The following TMEM140 variants were observed in gnomAD, a reference collection of about 807,000 sequenced individuals.
The protein encoded by TMEM140 is transmembrane protein 140.
For synonymous variants in TMEM140, 107 were observed against 106.8 expected, an observed-to-expected ratio of 1.00 and a Z score of -0.01; for missense variants, 236 against 228.5, an observed-to-expected ratio of 1.03 and a Z score of -0.21.
intron 1 of TMEM140, among the ~76,000 whole-genome samples, chr7:135,153,490 A>G (rs1186762249): frequency 2.7e-5 from 4 of 150,860 alleles, no homozygotes; most frequent in African/African-American, 9.7e-5. Context: ...TAAAAACTCT[A>G]AAAACAGCAG....
chr7:135,158,564 T>C (rs538290860), intron 1 of TMEM140, among the ~76,000 whole-genome samples: 108 of 152,254 alleles, frequency 7.1e-4, no homozygotes, highest in African/African-American at 2.6e-3. Context: ...GATTTCCCTA[T>C]CCTTCCTTAG....
At chr7:135,158,918 A>G (rs1183766355) in intron 1 of TMEM140, among the ~76,000 whole-genome samples, 1 of 152,140 alleles carries the variant, frequency 6.6e-6, no homozygotes, top group Non-Finnish European at 1.5e-5. Flanking sequence ...TGCATGTGAG[A>G]TTTTGTATTG....
chr7:135,148,521 G>A (rs1829597030), intron 1 of TMEM140, among the ~76,000 whole-genome samples: 1 of 152,170 alleles, frequency 6.6e-6, no homozygotes, highest in South Asian at 2.1e-4. Flanking sequence ...GATGATGAAA[G>A]TAAGGCCAGT....
chr7:135,151,282 T>C lies in TMEM140; in HGVS notation c.-25+3012T>C, dbSNP rs1164064164. 6.6e-6 allele frequency among the ~76,000 whole-genome samples: 1 copy of C among 152,236 alleles called. No individual in the cohort carries two copies. On this transcript the variant is annotated intron_variant, in intron 1 of 1. Transcript: ENST00000275767. The surrounding 1 kb of genome is among the most constrained non-coding windows in gnomAD (Gnocchi z 4.3). ...GAAAAACACTGCAGTAGCCCTGTTT[T>C]GAAAAGAATTAGAACCTGGACTCAT...
At position 135,166,125 on chromosome 7, in the gene TMEM140, C is replaced by A. The variant is rs1830114350; in HGVS notation, c.*1126C>A. 1 of 152,858 alleles carries A rather than the reference C, an allele frequency of 6.5e-6. No homozygotes were observed. The highest frequency in any genetic ancestry group is 1.5e-5 in the Non-Finnish European group (1 of 68,488). 9.5% of individuals were successfully genotyped at this position (152,858 alleles called of 1,614,324 possible). A position where few individuals can be genotyped will look rare whatever the true frequency, so the allele number is the denominator to read the frequency against. ...TAGGCTGGCTGGAGAGGTGGGAGCT[C>A]ATTGATAGACTCATGATGGAAACTA... On this transcript the variant is annotated 3_prime_UTR_variant, in exon 2 of 2. Transcript: ENST00000275767.
In TMEM140 at chr7:135,164,681, G is replaced by C; in HGVS notation, c.240G>C (p.Leu80=). Residue 80 remains leucine (L), a synonymous_variant, in exon 2 of 2, where the codon CTG becomes CTC. Coordinates refer to ENST00000275767, the MANE Select transcript of TMEM140 (RefSeq NM_018295.5). ...LEALGVPRVG[L]GLARLGVYGS... ...CCCTGGGGGTGCCTCGGGTTGGCCTGGGCCTGGCCAGGCTTGGCGTGTACG... is the reference window on the plus strand; with the variant it reads ...CCCTGGGGGTGCCTCGGGTTGGCCTCGGCCTGGCCAGGCTTGGCGTGTACG... 1 of 1,614,052 alleles carries C rather than the reference G, an allele frequency of 6.2e-7. No individual in the cohort carries two copies. The highest frequency in any genetic ancestry group is 8.5e-7 in the Non-Finnish European group (1 of 1,179,872).
rs1829671725 is a variant in TMEM140 at position 135,151,769 on chromosome 7, C to G, written c.-25+3499C>G. On this transcript the variant is annotated intron_variant, in intron 1 of 1. Transcript: ENST00000275767. The surrounding 1 kb of genome is among the most constrained non-coding windows in gnomAD (Gnocchi z 4.3). ...TGTGAGGCTCAGGCTGGCTATGTAA[C>G]TTGCCCAAGGTCATATGACTAGTGA... is the stretch of plus-strand genomic sequence containing the variant. Among the ~76,000 whole-genome samples, 1 of 152,216 alleles carries G rather than the reference C, an allele frequency of 6.6e-6. No homozygotes were observed. Among genetic ancestry groups the G allele is most frequent in the Non-Finnish European group, 1.5e-5 (1 of 68,040 alleles).
chr7:135,159,732 T>C lies in TMEM140; in HGVS notation c.-24-4686T>C, dbSNP rs1173877709. Among the ~76,000 whole-genome samples, 4 of 152,216 alleles carry C rather than the reference T, an allele frequency of 2.6e-5. No homozygotes were observed. The East Asian group carries it at 7.7e-4, about 29-fold the overall frequency. On this transcript the variant is annotated intron_variant, in intron 1 of 1. Transcript: ENST00000275767. The stretch of plus-strand genomic sequence containing the variant: ...ACAAAAACTGAAACTCAAAATTATT[T>C]TTAAAATAGCAAAAGAACTGACAGC...
In TMEM140 at chr7:135,164,909, C is replaced by T. The variant is rs764481357; in HGVS notation, c.468C>T (p.Ser156=). The part of the protein sequence containing the change: ...LPGPGFLALG[S]AQALLILLLI... ...GGCCTGGGTTTCTAGCTCTGGGCAG[C>T]GCCCAGGCCTTACTCATCCTCTTGC... Residue 156 remains serine, a synonymous_variant, in exon 2 of 2, where the codon AGC becomes AGT. Coordinates refer to ENST00000275767, the MANE Select transcript of TMEM140 (RefSeq NM_018295.5). The T allele has an allele frequency of 3.1e-6, 5 of 1,614,088 alleles. No individual in the cohort carries two copies. The East Asian group carries it at 6.7e-5, about 22-fold the overall frequency.
At chr7:135,152,991 A>G (rs1829700538) in intron 1 of TMEM140, 1 of 152,250 alleles carries the variant, frequency 6.6e-6, no homozygotes, top group South Asian at 2.1e-4. Context: ...CTCAACAAGA[A>G]AAAACAATCC....
intron 1 of TMEM140, among the ~76,000 whole-genome samples, chr7:135,150,721 C>G (rs141338480): frequency 2.0e-4 from 31 of 152,232 alleles, no homozygotes; most frequent in African/African-American, 7.2e-4. Flanking sequence ...CCAACAGAAA[C>G]CAAATGAGAT....
Position 135,152,466 on chromosome 7 carries a change from C to T in TMEM140, c.-25+4196C>T, listed in dbSNP as rs2117429653. Among the ~76,000 whole-genome samples, 3 of 152,350 alleles carry T rather than the reference C, an allele frequency of 2.0e-5. No individual in the cohort carries two copies. The South Asian group carries it at 6.2e-4, about 32-fold the overall frequency. On this transcript the variant is annotated intron_variant, in intron 1 of 1. Transcript: ENST00000275767. ...TGTGTGAACTTGGGCAAGTTACTGA[C>T]CCTTACTAGGCCTGTCTTCTTCTCT...
At chr7:135,164,355 G>A (rs1023760740) in intron 1 of TMEM140, 63 bp from the exon 2 acceptor site, 8 of 1,328,110 alleles carry the variant, frequency 6.0e-6, no homozygotes, top group Admixed American at 3.9e-5. Context: ...GAGAACATGA[G>A]CTTGTCTGGA....
chr7:135,154,954 G>C (rs1179271892), intron 1 of TMEM140, among the ~76,000 whole-genome samples: 2 of 152,112 alleles, frequency 1.3e-5, no homozygotes, highest in Non-Finnish European at 2.9e-5. Flanking sequence ...GTCCCCTACA[G>C]TTATTGTATT....
At chr7:135,160,740 A>AC (rs1451410884) in intron 1 of TMEM140, among the ~76,000 whole-genome samples, 1 of 151,804 alleles carries the variant, frequency 6.6e-6, no homozygotes, top group Non-Finnish European at 1.5e-5. Flanking sequence ...TCATTTAAAA[A>AC]AAAAAAACAA....
In TMEM140 at chr7:135,164,605, G is replaced by A; in HGVS notation, c.164G>A (p.Trp55Ter). ...ATCGGCTTCTATAACTTCTGCCTGT[G>A]GAATGAGGACACCAGCACCCTACAG... ...LRIGFYNFCL[W>*]NEDTSTLQCH... Residue 55 changes from tryptophan (W) to a stop codon, truncating the protein, a stop_gained, in exon 2 of 2, where the codon TGG becomes TAG. Coordinates refer to ENST00000275767, the MANE Select transcript of TMEM140 (RefSeq NM_018295.5). LOFTEE classifies it low-confidence loss of function (END_TRUNC). The A allele has an allele frequency of 6.2e-7, 1 of 1,614,220 alleles. No homozygotes were observed. The highest frequency in any genetic ancestry group is 8.5e-7 in the Non-Finnish European group (1 of 1,180,024).
rs959259544 is a variant in TMEM140 at position 135,164,515 on chromosome 7, T to A, written c.74T>A (p.Ile25Asn). 1.9e-6 allele frequency: 3 copies of A among 1,613,508 alleles called. No homozygotes were observed. The African/African-American group carries it at 4.0e-5, about 22-fold the overall frequency. ...ATCATAGTCCTCGTGATTGTGGTCA[T>A]CTGCCTGATGTTTTACGCTCTTCTC... The part of the protein sequence containing the change: ...MSIIVLVIVV[I>N]CLMFYALLWE... Residue 25 changes from isoleucine to asparagine, a missense_variant, in exon 2 of 2, where the codon ATC becomes AAC. Transcript: ENST00000275767.
chr7:135,162,806 T>G (rs1829980087), intron 1 of TMEM140, among the ~76,000 whole-genome samples: 1 of 152,188 alleles, frequency 6.6e-6, no homozygotes, highest in Admixed American at 6.5e-5. Context: ...TACACATATG[T>G]AAAATACAGT....
chr7:135,154,586 G>A (rs181842910), intron 1 of TMEM140, among the ~76,000 whole-genome samples: 2 of 152,162 alleles, frequency 1.3e-5, no homozygotes, highest in African/African-American at 2.4e-5. Context: ...TTTTTAATTT[G>A]TCTTAATTTC....
Sources: allele counts gnomAD v4.1 joint callset (sites outside exome capture counted in the v4.1 genomes callset), GRCh38; gene constraint gnomAD v4.1.1; non-coding constraint Gnocchi (gnomAD v3.1); transcripts MANE v1.5; gene names NCBI Gene and HGNC (gene_info 2026-07-23, HGNC 2026-07-21).